The following SCD5 variants were observed in gnomAD, a reference collection of about 807,000 sequenced individuals.
SCD5 encodes the protein acyl-CoA-desaturase 4.
A neutral mutation model predicts 30.4 loss-of-function variants in SCD5; 20 were observed. The ratio of observed to expected loss-of-function variants is 0.66; its 90% confidence interval spans 0.46 to 0.96. SCD5 has a LOEUF of 0.96. Among genes scored for constraint, SCD5 ranks in the 40% least tolerant of loss-of-function variants. The pLI is 0.00. For missense variants in SCD5, 381 were observed against 443.3 expected, an observed-to-expected ratio of 0.86 and a Z score of 1.26; for synonymous variants, 173 against 176.4, an observed-to-expected ratio of 0.98 and a Z score of 0.16.
chr4:82,662,331 G>T (rs1166733757), intron 3 of SCD5, among the ~76,000 whole-genome samples: 1 of 152,068 alleles, frequency 6.6e-6, no homozygotes, highest in Non-Finnish European at 1.5e-5. Context: ...GGGATAACAA[G>T]CATGAGCCAC....
intron 1 of SCD5, among the ~76,000 whole-genome samples, chr4:82,730,714 T>C (rs1207395877): frequency 6.6e-6 from 1 of 150,850 alleles, no homozygotes; most frequent in East Asian, 1.9e-4. Flanking sequence ...GCCTCCCGAG[T>C]AGCTGGGACT....
chr4:82,748,828 T>C (rs1362932980), intron 1 of SCD5, among the ~76,000 whole-genome samples: 1 of 152,154 alleles, frequency 6.6e-6, no homozygotes, highest in African/African-American at 2.4e-5. Flanking sequence ...TGAACTTCAG[T>C]GGAAAAGGCC....
At chr4:82,713,346 A>T (rs965352462) in intron 1 of SCD5, among the ~76,000 whole-genome samples, 1 of 152,240 alleles carries the variant, frequency 6.6e-6, no homozygotes, top group African/African-American at 2.4e-5. Flanking sequence ...TAAGCATGAA[A>T]GTCATAGCAG....
At chr4:82,720,647 C>A (rs1720351853) in intron 1 of SCD5, among the ~76,000 whole-genome samples, 2 of 152,104 alleles carry the variant, frequency 1.3e-5, no homozygotes, top group South Asian at 4.2e-4. Context: ...GAGCACTGCC[C>A]CAACCCTCTG....
At chr4:82,651,966 T>C (rs1727767415) in intron 3 of SCD5, among the ~76,000 whole-genome samples, 1 of 152,120 alleles carries the variant, frequency 6.6e-6, no homozygotes, top group Non-Finnish European at 1.5e-5. Flanking sequence ...AATAAGAACA[T>C]TCTAAGTCAG....
At chr4:82,712,687 G>T (rs192730854) in intron 1 of SCD5, among the ~76,000 whole-genome samples, 7 of 152,160 alleles carry the variant, frequency 4.6e-5, no homozygotes, top group Admixed American at 2.6e-4. Flanking sequence ...GTGTTTCTCT[G>T]ACCAGCCAGA....
rs749649975 is a variant in SCD5, at chr4:82,631,416, A to G, written c.904T>C (p.Cys302Arg). ...NPTTWFIDFM[C>R]WLGLATDRKR... ...CGGTCAGTGGCCAGCCCCAGCCAGC[A>G]CATGAAATCAATGAACCAGGTGGTT... Residue 302 changes from cysteine to arginine, a missense_variant, in exon 5 of 5, where the codon TGC becomes CGC. Transcript: ENST00000319540. 1 of 1,614,212 alleles carries G rather than the reference A, an allele frequency of 6.2e-7. No individual in the cohort carries two copies. The highest frequency in any genetic ancestry group is 8.5e-7 in the Non-Finnish European group (1 of 1,180,042).
intron 1 of SCD5, among the ~76,000 whole-genome samples, chr4:82,760,874 T>C (rs1046213496): frequency 2.6e-5 from 4 of 152,222 alleles, no homozygotes; most frequent in African/African-American, 9.6e-5. Flanking sequence ...CTGTGCCTGG[T>C]TCATTCCTTT....
intron 1 of SCD5, among the ~76,000 whole-genome samples, chr4:82,786,994 G>T (rs942592522): frequency 4.6e-5 from 7 of 152,050 alleles, no homozygotes; most frequent in African/African-American, 1.7e-4. Flanking sequence ...CGTCCACTCC[G>T]GCCAAAAGCT....
intron 1 of SCD5, among the ~76,000 whole-genome samples, chr4:82,750,573 T>C (rs1338369024): frequency 6.6e-6 from 1 of 151,820 alleles, no homozygotes; most frequent in Non-Finnish European, 1.5e-5. Context: ...AGGGAAGCCA[T>C]GGAGAGTCTT....
intron 1 of SCD5, among the ~76,000 whole-genome samples, chr4:82,760,568 A>AT (rs1185449631): frequency 1.3e-5 from 2 of 151,578 alleles, no homozygotes; most frequent in Non-Finnish European, 2.9e-5. Context: ...TAATTTTTGT[A>AT]TTTTTTTGTA....
At chr4:82,766,258 A>C (rs1721482441) in intron 1 of SCD5, among the ~76,000 whole-genome samples, 1 of 152,170 alleles carries the variant, frequency 6.6e-6, no homozygotes, top group Non-Finnish European at 1.5e-5. Context: ...CAGCTCACTG[A>C]TGCTCTGTTC....
At chr4:82,787,969 C>T (rs76570937) in intron 1 of SCD5, among the ~76,000 whole-genome samples, 5 of 152,136 alleles carry the variant, frequency 3.3e-5, no homozygotes, top group East Asian at 1.9e-4. Context: ...TTCAGGAGTT[C>T]GTGGTTAGAG....
At chr4:82,682,478 C>A (rs1300709726) in intron 2 of SCD5, among the ~76,000 whole-genome samples, 2 of 151,838 alleles carry the variant, frequency 1.3e-5, no homozygotes, top group African/African-American at 4.8e-5. Context: ...ATAGGAAAAT[C>A]TGAAAATAAA....
rs1366870589 is a variant in SCD5, at chr4:82,705,361, G to A, written c.285C>T (p.Arg95=). The change falls in exon 2 of 5, where the codon CGC becomes CGT. Residue 95 remains arginine (R), a synonymous_variant. Transcript: ENST00000319540. ...AALGVTAGAH[R]LWSHRSYRAK... is the part of the protein sequence containing the mutation. ...CCCGGTAGGACCTGTGGCTCCACAA[G>A]CGATGGGCACCAGCTGTCACACCCA... is the stretch of plus-strand genomic sequence containing the variant. 2 of 1,614,118 alleles carry A rather than the reference G, an allele frequency of 1.2e-6. No homozygotes were observed. The highest frequency in any genetic ancestry group is 1.7e-6 in the Non-Finnish European group (2 of 1,180,040).
intron 1 of SCD5, among the ~76,000 whole-genome samples, chr4:82,723,040 G>GCAC (rs988712297): frequency 1.4e-5 from 2 of 140,582 alleles, no homozygotes; most frequent in Admixed American, 1.5e-4. Context: ...TCGCGCCATT[G>GCAC]CACTCCAGCC....
chr4:82,631,346 G>C lies in SCD5; in HGVS notation c.974C>G (p.Thr325Ser). Residue 325 changes from threonine to serine, a missense_variant, in exon 5 of 5, where the codon ACT becomes AGT. Transcript: ENST00000319540. Reference sequence around the variant, plus strand: ...CCAAGTTCAAGCACTGCTGTCTCCAGTCCTGGCCTTCCGGGCCTCGATCAT... The same window carrying C: ...CCAAGTTCAAGCACTGCTGTCTCCACTCCTGGCCTTCCGGGCCTCGATCAT... ...KPMIEARKAR[T>S]GDSSA is the part of the protein sequence containing the mutation. 1 of 1,614,020 alleles carries C rather than the reference G, an allele frequency of 6.2e-7. No homozygotes were observed. Among genetic ancestry groups the C allele is most frequent in the Non-Finnish European group, 8.5e-7 (1 of 1,180,000 alleles).
chr4:82,716,077 G>A (rs1222765592), intron 1 of SCD5, among the ~76,000 whole-genome samples: 2 of 151,784 alleles, frequency 1.3e-5, no homozygotes, highest in Non-Finnish European at 1.5e-5. Context: ...AAAACTATTC[G>A]ATAGCATAAA....
chr4:82,718,511 G>C (rs551143092), intron 1 of SCD5, among the ~76,000 whole-genome samples: 24 of 151,758 alleles, frequency 1.6e-4, no homozygotes, highest in Non-Finnish European at 3.5e-4. Flanking sequence ...ACAGGCCAAG[G>C]ACAAACATGA....
Sources: gnomAD v4.1 joint callset for allele counts (sites outside exome capture counted in the v4.1 genomes callset) on GRCh38, gnomAD v4.1.1 for gene constraint, MANE v1.5 for transcripts, NCBI Gene and HGNC (gene_info 2026-07-23, HGNC 2026-07-21) for gene names.